The following CFAP221 variants were observed in gnomAD, a reference collection of about 807,000 sequenced individuals.
The protein encoded by CFAP221 is cilia- and flagella-associated protein 221.
Under a neutral mutation model 113.1 loss-of-function variants are expected in CFAP221, and 97 were observed. The ratio of observed to expected loss-of-function variants is 0.86; its 90% CI spans 0.73 to 1.02. The LOEUF is 1.02. Ranked by LOEUF, CFAP221 falls within the 50% of genes least tolerant of loss-of-function variation. The pLI, the probability that CFAP221 is intolerant of heterozygous loss-of-function variation, is 0.00. For synonymous variants in CFAP221, 331 were observed against 354.4 expected (o/e 0.93, Z 0.74); for missense variants, 1,025 against 1,013.4 (o/e 1.01, Z -0.16).
At chr2:119,606,383 C>T (rs572676520) in intron 11 of CFAP221, among the ~76,000 whole-genome samples, 15 of 152,162 alleles carry the variant, frequency 9.9e-5, no homozygotes, top group South Asian at 2.1e-4. Context: ...CCACCCTTCC[C>T]GACACATGAG....
intron 12 of CFAP221, among the ~76,000 whole-genome samples, chr2:119,610,171 C>T (rs996536331): frequency 6.6e-6 from 1 of 152,144 alleles, no homozygotes; most frequent in South Asian, 2.1e-4. Context: ...CGGGCAGTGA[C>T]AGCCAAGGAG....
chr2:119,634,116 A>G (rs984645526), intron 19 of CFAP221, among the ~76,000 whole-genome samples: 2 of 152,088 alleles, frequency 1.3e-5, no homozygotes, highest in Non-Finnish European at 2.9e-5. Context: ...TCGAATAATA[A>G]TAATAATAAC....
At chr2:119,646,897 T>C in intron 21 of CFAP221, 61 bp from the exon 22 acceptor site, 4 of 1,434,288 alleles carry the variant, frequency 2.8e-6, no homozygotes, top group Admixed American at 3.9e-5. Flanking sequence ...GAAAATTATG[T>C]AAAGACCCCA....
intron 7 of CFAP221, among the ~76,000 whole-genome samples, chr2:119,591,243 C>G (rs1211195388): frequency 6.6e-6 from 1 of 152,046 alleles, no homozygotes; most frequent in Non-Finnish European, 1.5e-5. Context: ...AGCACCAAAC[C>G]CAATAGTGAG....
chr2:119,545,979 A>G, intron 1 of CFAP221, 106 bp from the exon 2 acceptor site: 8 of 792,274 alleles, frequency 1.0e-5, no homozygotes, highest in Non-Finnish European at 1.5e-5. Context: ...CAGGGAGGGC[A>G]TGAACCACAG....
chr2:119,651,452 C>G (rs1688122037), intron 22 of CFAP221, among the ~76,000 whole-genome samples: 1 of 150,992 alleles, frequency 6.6e-6, no homozygotes, highest in African/African-American at 2.4e-5. Context: ...AAAAAGTTTA[C>G]TGACCCCTGG....
rs2272058 is a variant in CFAP221 at position 119,630,836 on chromosome 2, G to T, written c.1909G>T (p.Val637Phe). 1 of 1,613,994 alleles carries T rather than the reference G, an allele frequency of 6.2e-7. No homozygotes were observed. The highest frequency in any genetic ancestry group is 1.3e-5 in the African/African-American group (1 of 75,036). ...AACTCAGCTCTCTGGCAAAACATCAGTCTTGAGCATGAAACCACCTGAGGC... is the reference window on the plus strand; with the variant it reads ...AACTCAGCTCTCTGGCAAAACATCATTCTTGAGCATGAAACCACCTGAGGC... Reference protein sequence around the residue: ...STTQLSGKTSVLSMKPPEALA... With the variant: ...STTQLSGKTSFLSMKPPEALA... The change falls in exon 19 of 24, where the codon GTC (valine) becomes TTC (phenylalanine). Residue 637 changes from valine to phenylalanine, a missense_variant. Transcript: ENST00000413369.
chr2:119,564,414 C>G (rs1336903915), intron 6 of CFAP221, among the ~76,000 whole-genome samples: 1 of 152,092 alleles, frequency 6.6e-6, no homozygotes, highest in South Asian at 2.1e-4. Flanking sequence ...ATAAAATAAT[C>G]TATAATAATT....
In CFAP221 at chr2:119,656,428, C is replaced by G. The variant is rs751214459; in HGVS notation, c.2481C>G (p.Asn827Lys). The change falls in exon 24 of 24, where the codon AAC (asparagine) becomes AAG (lysine). Residue 827 changes from asparagine (N) to lysine (K), a missense_variant. Asn to Lys is a moderately conservative substitution (Grantham distance 94). Coordinates refer to ENST00000413369, the MANE Select transcript of CFAP221 (RefSeq NM_001271049.2). Reference sequence around the variant, plus strand: ...AGAAGCTGCTCGAGGAGATGAGGAACCTGCGGGGCAAAGCACTCAACACAT... The same window carrying G: ...AGAAGCTGCTCGAGGAGATGAGGAAGCTGCGGGGCAAAGCACTCAACACAT... ...AGEKLLEEMR[N>K]LRGKALNTYL... The G allele has an allele frequency of 6.2e-7, 1 of 1,613,992 alleles. No homozygotes were observed. The highest frequency in any genetic ancestry group is 1.7e-5 in the Admixed American group (1 of 59,992).
intron 6 of CFAP221, among the ~76,000 whole-genome samples, chr2:119,583,180 T>G (rs1016294319): frequency 6.6e-6 from 1 of 152,058 alleles, no homozygotes; most frequent in Non-Finnish European, 1.5e-5. Flanking sequence ...AGCTTAGAAA[T>G]AGACAAAAAT....
chr2:119,572,727 G>T, intron 6 of CFAP221: 1 of 568,718 alleles, frequency 1.8e-6, no homozygotes, highest in Non-Finnish European at 3.2e-6. Context: ...TCCAGGAGAG[G>T]ATCCACTGTG....
intron 14 of CFAP221, among the ~76,000 whole-genome samples, chr2:119,617,858 C>T (rs571145829): frequency 6.6e-6 from 1 of 152,338 alleles, no homozygotes; most frequent in African/African-American, 2.4e-5. Context: ...CAGGTCACAT[C>T]GGATTTCTCT....
At chr2:119,627,544 T>C (rs879189252) in intron 15 of CFAP221, 109 bp from the exon 16 acceptor site, 9,298 of 699,566 alleles carry the variant, frequency 0.013, 148 homozygotes, top group South Asian at 0.016. Context: ...TATATATATA[T>C]ACACACCCAC....
intron 3 of CFAP221, among the ~76,000 whole-genome samples, chr2:119,550,716 T>G (rs1380315957): frequency 2.0e-5 from 3 of 152,248 alleles, no homozygotes; most frequent in African/African-American, 7.2e-5. Context: ...CCTTATGCTT[T>G]CTTTCTTTTC....
chr2:119,597,832 T>C (rs1028531245), intron 7 of CFAP221, among the ~76,000 whole-genome samples: 3 of 152,184 alleles, frequency 2.0e-5, no homozygotes, highest in African/African-American at 7.2e-5. Context: ...AGTTACAAAC[T>C]TAGACTCCTA....
intron 12 of CFAP221, among the ~76,000 whole-genome samples, chr2:119,611,417 C>T (rs1303241111): frequency 1.9e-5 from 1 of 53,370 alleles, no homozygotes; most frequent in African/African-American, 5.0e-5. Context: ...AGCGAGACAA[C>T]GTCAAAAAAA....
At chr2:119,577,885 G>A (rs1682564560) in intron 6 of CFAP221, among the ~76,000 whole-genome samples, 1 of 152,222 alleles carries the variant, frequency 6.6e-6, no homozygotes, top group African/African-American at 2.4e-5. Flanking sequence ...GAAGGTAGTA[G>A]CTTAATGTAT....
chr2:119,598,960 T>C (rs1176634578), intron 7 of CFAP221, among the ~76,000 whole-genome samples: 1 of 151,932 alleles, frequency 6.6e-6, no homozygotes, highest in African/African-American at 2.4e-5. Flanking sequence ...GAGCCCCGGG[T>C]CAATTTATGG....
chr2:119,546,260 C>T lies in CFAP221; in HGVS notation c.129C>T (p.Leu43=), dbSNP rs1573963082. ...AAAGAAAAGAAGTACCTAATCACCT[C>T]CTAGAATCAAGTAAGTGGCTAGAAG... ...PKKRKEVPNH[L]LESKVYAKLV... Residue 43 remains leucine (L), a synonymous_variant, in exon 2 of 24, where the codon CTC becomes CTT. Coordinates refer to ENST00000413369, the MANE Select transcript of CFAP221 (RefSeq NM_001271049.2). The T allele has an allele frequency of 1.3e-6, 2 of 1,533,812 alleles. No individual in the cohort carries two copies. Among genetic ancestry groups the T allele is most frequent in the East Asian group, 2.4e-5 (1 of 40,900 alleles).
Sources: gnomAD v4.1 joint callset for allele counts (sites outside exome capture counted in the v4.1 genomes callset) on GRCh38, gnomAD v4.1.1 for gene constraint, MANE v1.5 for transcripts, NCBI Gene and HGNC (gene_info 2026-07-23, HGNC 2026-07-21) for gene names.